MALRD1: variants seen among roughly 807,000 people sequenced by gnomAD.
MALRD1 encodes MAM and LDL receptor class A domain containing 1.
A neutral mutation model predicts 242.1 loss-of-function variants in MALRD1; 247 were observed. The ratio of observed to expected loss-of-function variants is 1.02; its 90% CI spans 0.92 to 1.13. The LOEUF is 1.13. MALRD1 is among the 50% of genes most tolerant of loss of function. The pLI is 0.00. For missense variants in MALRD1, 2,989 were observed against 2,533.1 expected (o/e 1.18, Z -3.86); for synonymous variants, 995 against 866.6 (o/e 1.15, Z -2.60).
intron 18 of MALRD1, among the ~76,000 whole-genome samples, chr10:19,254,750 A>G (rs1839430339): frequency 6.6e-6 from 1 of 151,930 alleles, no homozygotes; most frequent in Non-Finnish European, 1.5e-5. Context: ...TTATAGTTAT[A>G]AAACATACCA....
intron 26 of MALRD1, among the ~76,000 whole-genome samples, chr10:19,358,832 T>A (rs1844762732): frequency 6.6e-6 from 1 of 152,204 alleles, no homozygotes; most frequent in Non-Finnish European, 1.5e-5. Flanking sequence ...GGATATTTTA[T>A]ACTTGCTGTT....
chr10:19,718,107 G>GGAA (rs34633700), intron 38 of MALRD1, among the ~76,000 whole-genome samples: 10 of 142,384 alleles, frequency 7.0e-5, no homozygotes, highest in East Asian at 6.1e-4. Flanking sequence ...AAGAGGAAGA[G>GGAA]GAAGAAGAAG....
Position 19,292,080 on chromosome 10 carries a change from CAAAAAAAAA to C in MALRD1, c.3419+8913_3419+8921del, listed in dbSNP as rs756211363. ...CCTGGATGACAGAGCAAGACCGTCTCAAAAAAAAAAAAAAAAAAAAAATCAAATTTGTGT... is the reference window on the plus strand; with the variant it reads ...CCTGGATGACAGAGCAAGACCGTCTCAAAAAAAAAAAAATCAAATTTGTGT... On this transcript the variant is annotated intron_variant, in intron 21 of 39. Coordinates refer to ENST00000454679, the MANE Select transcript of MALRD1 (RefSeq NM_001142308.3). Among the ~76,000 whole-genome samples the C allele has an allele frequency of 9.8e-3, 860 of 88,024 alleles. 13 individuals carry two copies. The highest frequency in any genetic ancestry group is 0.035 in the African/African-American group (798 of 22,690). 57.7% of individuals were successfully genotyped at this position (88,024 alleles called of 152,430 possible).
At chr10:19,567,051 G>A (rs1836287700) in intron 32 of MALRD1, among the ~76,000 whole-genome samples, 1 of 152,068 alleles carries the variant, frequency 6.6e-6, no homozygotes, top group Non-Finnish European at 1.5e-5. Context: ...TCTTCAAAAT[G>A]TTAAAATATT....
At position 19,152,527 on chromosome 10, in the gene MALRD1, T is replaced by A. The variant is rs190012749; in HGVS notation, c.1559-2548T>A. 8.2e-3 allele frequency among the ~76,000 whole-genome samples: 1,254 copies of A among 152,260 alleles called. 17 individuals are homozygous for A. The highest frequency in any genetic ancestry group is 0.029 in the African/African-American group (1,186 of 41,550). ...GTCTTTCACAAAGTTTATAATGTTCTTCATATAAATCATGTCCCTTTTCTG... is the reference window on the plus strand; with the variant it reads ...GTCTTTCACAAAGTTTATAATGTTCATCATATAAATCATGTCCCTTTTCTG... On this transcript the variant is annotated intron_variant, in intron 11 of 39. Coordinates refer to ENST00000454679, the MANE Select transcript of MALRD1 (RefSeq NM_001142308.3).
intron 36 of MALRD1, among the ~76,000 whole-genome samples, chr10:19,660,682 T>A (rs1841388601): frequency 6.6e-6 from 1 of 152,192 alleles, no homozygotes; most frequent in African/African-American, 2.4e-5. Context: ...CCCATAAGTA[T>A]CCAATCTAAT....
chr10:19,515,114 CA>C (rs1833569173), intron 31 of MALRD1, among the ~76,000 whole-genome samples: 1 of 151,760 alleles, frequency 6.6e-6, no homozygotes, highest in African/African-American at 2.4e-5. Context: ...TAACAAACAA[CA>C]AAAACACAAC....
intron 5 of MALRD1, among the ~76,000 whole-genome samples, chr10:19,109,486 C>G (rs1158543550): frequency 6.6e-6 from 1 of 152,192 alleles, no homozygotes; most frequent in Non-Finnish European, 1.5e-5. Context: ...GTAAAGACAT[C>G]TCATAAGCTT....
At position 19,706,630 on chromosome 10, in the gene MALRD1, G is replaced by A. The variant is rs544348574; in HGVS notation, c.6314+14076G>A. ...GCCTCCTAAAGTGCTAGGATTACAG[G>A]TATGAGCCACCACCTGTAATTTATG... is the stretch of plus-strand genomic sequence containing the variant. On this transcript the variant is annotated intron_variant, in intron 38 of 39. Coordinates refer to ENST00000454679, the MANE Select transcript of MALRD1 (RefSeq NM_001142308.3). Among the ~76,000 whole-genome samples, 7 of 152,206 alleles carry A rather than the reference G, an allele frequency of 4.6e-5. No individual in the cohort carries two copies. The South Asian group carries it at 1.2e-3, about 27-fold the overall frequency.
intron 33 of MALRD1, among the ~76,000 whole-genome samples, chr10:19,575,494 C>G (rs1836768730): frequency 6.6e-6 from 1 of 151,832 alleles, no homozygotes; most frequent in Non-Finnish European, 1.5e-5. Flanking sequence ...CACACACACA[C>G]ACACACACAC....
At chr10:19,280,576 T>C (rs997788772) in intron 20 of MALRD1, among the ~76,000 whole-genome samples, 3 of 152,222 alleles carry the variant, frequency 2.0e-5, no homozygotes, top group Non-Finnish European at 4.4e-5. Context: ...GGTAGCTTTA[T>C]AGTACTGTCA....
chr10:19,181,552 G>A (rs1191312566), intron 14 of MALRD1, among the ~76,000 whole-genome samples: 1 of 152,136 alleles, frequency 6.6e-6, no homozygotes, highest in Non-Finnish European at 1.5e-5. Context: ...CAGGGGCCAA[G>A]GGAAGGAAAT....
intron 26 of MALRD1, among the ~76,000 whole-genome samples, chr10:19,381,068 C>A (rs1262336785): frequency 8.2e-6 from 1 of 121,822 alleles, no homozygotes; most frequent in Non-Finnish European, 1.7e-5. Flanking sequence ...CCTCCCCCCA[C>A]CCCACCACAG....
intron 4 of MALRD1, among the ~76,000 whole-genome samples, chr10:19,100,863 T>A (rs1836225928): frequency 6.6e-6 from 1 of 152,152 alleles, no homozygotes; most frequent in Non-Finnish European, 1.5e-5. Flanking sequence ...CTTCTACTTC[T>A]TTTTTAAACT....
intron 29 of MALRD1, among the ~76,000 whole-genome samples, chr10:19,485,646 T>A (rs199855939): frequency 2.1e-5 from 3 of 145,396 alleles, no homozygotes. Flanking sequence ...CCGTCTCAAT[T>A]AAAAAAAAAA....
intron 32 of MALRD1, among the ~76,000 whole-genome samples, chr10:19,563,017 C>T (rs1836066302): frequency 6.6e-6 from 1 of 152,138 alleles, no homozygotes; most frequent in Non-Finnish European, 1.5e-5. Flanking sequence ...TGTTGATTTT[C>T]AGTTTATTCA....
intron 32 of MALRD1, among the ~76,000 whole-genome samples, chr10:19,535,176 G>A (rs1477174167): frequency 1.3e-5 from 2 of 152,028 alleles, no homozygotes; most frequent in African/African-American, 2.4e-5. Flanking sequence ...GAGCCACTGC[G>A]CCCGACCAAA....
intron 14 of MALRD1, among the ~76,000 whole-genome samples, chr10:19,194,651 A>T (rs966812090): frequency 9.2e-5 from 14 of 152,070 alleles, no homozygotes; most frequent in African/African-American, 3.4e-4. Flanking sequence ...TGTCTTCCCC[A>T]TGAGCCTAAA....
At chr10:19,174,203 G>A (rs754521605) in intron 13 of MALRD1, among the ~76,000 whole-genome samples, 9 of 152,140 alleles carry the variant, frequency 5.9e-5, no homozygotes, top group Non-Finnish European at 1.0e-4. Context: ...TCCAGGTATA[G>A]ATAGGGTAGG....
Sources: gnomAD v4.1 joint callset for allele counts (sites outside exome capture counted in the v4.1 genomes callset) on GRCh38, gnomAD v4.1.1 for gene constraint, MANE v1.5 for transcripts, NCBI Gene and HGNC (gene_info 2026-07-23, HGNC 2026-07-21) for gene names.